The following RSPH14 variants were observed in gnomAD, a reference collection of about 807,000 sequenced individuals.
RSPH14 encodes radial spoke head 14 homolog, also known as rhabdoid tumor deletion region gene 1.
Under a neutral mutation model 26.7 loss-of-function variants are expected in RSPH14, and 20 were observed. That is an observed-to-expected ratio of 0.75 (90% CI 0.53 to 1.09). The LOEUF is 1.09. RSPH14 is among the 50% of genes least tolerant of loss of function. RSPH14 has a pLI of 0.00. For missense variants in RSPH14, 449 were observed against 457.2 expected (o/e 0.98, Z 0.16); for synonymous variants, 177 against 189.3 (o/e 0.93, Z 0.53).
At chr22:23,126,897 C>A (rs2070197465) in intron 4 of RSPH14, among the ~76,000 whole-genome samples, 1 of 152,260 alleles carries the variant, frequency 6.6e-6, no homozygotes, top group South Asian at 2.1e-4. Flanking sequence ...CCTGGTGGTG[C>A]AATGGGTCAA....
In RSPH14 at chr22:23,064,137, C is replaced by T; in HGVS notation, c.422-4G>A. The T allele has an allele frequency of 1.2e-6, 2 of 1,614,014 alleles. No homozygotes were observed. Among genetic ancestry groups the T allele is most frequent in the Non-Finnish European group, 1.7e-6 (2 of 1,179,956 alleles). On this transcript the variant is annotated splice_region_variant and splice_polypyrimidine_tract_variant and intron_variant, in intron 4 of 6. Transcript: ENST00000216036. ...TTGCTGATGATCTCTTGGGCCCCTA[C>T]AAGGCAGGAAAGGGCACTGAGGGCG...
the RSPH14 span, chr22:23,180,522 C>T: frequency 5.6e-6 from 1 of 178,718 alleles, no homozygotes; most frequent in Non-Finnish European, 1.1e-5. Context: ...GAGTGCGGGC[C>T]GGGCGGGAGT....
chr22:23,152,482 G>T, the RSPH14 span: 43 of 1,614,070 alleles, frequency 2.7e-5, 1 homozygote, highest in South Asian at 4.7e-4. Context: ...CCAAGGTGGT[G>T]GTGGTTGGCG....
At chr22:23,078,106 C>T (rs887146869) in intron 4 of RSPH14, among the ~76,000 whole-genome samples, 6 of 152,204 alleles carry the variant, frequency 3.9e-5, no homozygotes, top group African/African-American at 9.7e-5. Context: ...CTGGTGAGGG[C>T]GGGTGCGGGT....
chr22:23,093,387 C>T (rs2069041691), intron 4 of RSPH14, among the ~76,000 whole-genome samples: 1 of 152,214 alleles, frequency 6.6e-6, no homozygotes, highest in African/African-American at 2.4e-5. Flanking sequence ...TACTGAACAC[C>T]CACTGTGCAC....
intron 4 of RSPH14, among the ~76,000 whole-genome samples, chr22:23,102,608 CA>C (rs1296307570): frequency 1.3e-5 from 2 of 152,226 alleles, no homozygotes; most frequent in Non-Finnish European, 1.5e-5. Context: ...GGGCTGCCCC[CA>C]CACCTGCTCT....
the RSPH14 span, chr22:23,153,063 C>T: frequency 3.1e-6 from 5 of 1,614,084 alleles, no homozygotes; most frequent in Admixed American, 6.7e-5. Flanking sequence ...ATCGAGACTA[C>T]AAGGCCACCA....
At position 23,101,767 on chromosome 22, in the gene RSPH14, G is replaced by C. The variant is rs187603661; in HGVS notation, c.421+32259C>G. Among the ~76,000 whole-genome samples, 270 of 152,352 alleles carry C rather than the reference G, an allele frequency of 1.8e-3. 1 individual carries two copies. Among genetic ancestry groups the C allele is most frequent in the African/African-American group, 4.9e-3 (202 of 41,578 alleles). On this transcript the variant is annotated intron_variant, in intron 4 of 6. Coordinates refer to ENST00000216036, the MANE Select transcript of RSPH14 (RefSeq NM_014433.3). Reference sequence around the variant, plus strand: ...CAGATCCAGAGGCAGGGCCAGGCTGGCACACTGGGCTCCCAAGGACTGGAC... The same window carrying C: ...CAGATCCAGAGGCAGGGCCAGGCTGCCACACTGGGCTCCCAAGGACTGGAC...
At chr22:23,099,930 A>G (rs2069246145) in intron 4 of RSPH14, among the ~76,000 whole-genome samples, 1 of 152,256 alleles carries the variant, frequency 6.6e-6, no homozygotes, top group African/African-American at 2.4e-5. Flanking sequence ...GGATCAGCTA[A>G]TGGACTCTGC....
intron 4 of RSPH14, among the ~76,000 whole-genome samples, chr22:23,086,006 G>A (rs1169380188): frequency 6.6e-6 from 1 of 152,344 alleles, no homozygotes. Flanking sequence ...CTGGCCCCTC[G>A]GCAGGGTCCC....
At chr22:23,092,709 C>T (rs1404004563) in intron 4 of RSPH14, among the ~76,000 whole-genome samples, 1 of 152,194 alleles carries the variant, frequency 6.6e-6, no homozygotes, top group Non-Finnish European at 1.5e-5. Flanking sequence ...GCCCAGTGTC[C>T]CCAACCTGCT....
the RSPH14 span, among the ~76,000 whole-genome samples, chr22:23,172,431 A>G: frequency 1.3e-5 from 2 of 151,610 alleles, no homozygotes; most frequent in Admixed American, 1.3e-4. Context: ...AAAAAAAAAA[A>G]AAGGCCAGGT....
chr22:23,151,868 A>G, the RSPH14 span, among the ~76,000 whole-genome samples: 1 of 152,194 alleles, frequency 6.6e-6, no homozygotes, highest in Admixed American at 6.5e-5. Context: ...GCCCGGATGC[A>G]TAGAGCCTCA....
chr22:23,176,418 C>T, the RSPH14 span, among the ~76,000 whole-genome samples: 1 of 152,228 alleles, frequency 6.6e-6, no homozygotes, highest in African/African-American at 2.4e-5. Context: ...CCTTTCAATC[C>T]CCACATCCTC....
chr22:23,175,028 G>A, the RSPH14 span, among the ~76,000 whole-genome samples: 6 of 148,736 alleles, frequency 4.0e-5, no homozygotes, highest in South Asian at 2.1e-4. Context: ...ACAGAGTCTC[G>A]CTCTGTCACC....
chr22:23,119,075 T>C (rs1473070904), intron 4 of RSPH14, among the ~76,000 whole-genome samples: 1 of 152,224 alleles, frequency 6.6e-6, no homozygotes, highest in East Asian at 1.9e-4. Flanking sequence ...ATATGCATGC[T>C]TGAGTCACAG....
upstream of RSPH14, chr22:23,145,664 T>C (rs891290727): frequency 7.2e-5 from 90 of 1,249,414 alleles, no homozygotes; most frequent in Non-Finnish European, 9.3e-5. Flanking sequence ...CCCGCCCCTA[T>C]AACTTGAAAG....
the RSPH14 span, among the ~76,000 whole-genome samples, chr22:23,160,668 G>A: frequency 6.6e-6 from 1 of 152,154 alleles, no homozygotes; most frequent in African/African-American, 2.4e-5. Context: ...GAGCCAGGTG[G>A]GAGGCCAGGC....
At chr22:23,087,417 T>C (rs1174604883) in intron 4 of RSPH14, among the ~76,000 whole-genome samples, 1 of 152,170 alleles carries the variant, frequency 6.6e-6, no homozygotes, top group Non-Finnish European at 1.5e-5. Flanking sequence ...TGAACTGTGA[T>C]GGTGCACTGC....
Sources: gnomAD v4.1 joint callset for allele counts (sites outside exome capture counted in the v4.1 genomes callset) on GRCh38, gnomAD v4.1.1 for gene constraint, MANE v1.5 for transcripts, NCBI Gene and HGNC (gene_info 2026-07-23, HGNC 2026-07-21) for gene names.